SPDYE4: variants seen among roughly 807,000 people sequenced by gnomAD.
SPDYE4 encodes the protein speedy protein E4.
Under a neutral mutation model 37.5 loss-of-function variants are expected in SPDYE4, and 30 were observed. That is an observed-to-expected ratio of 0.80 (90% CI 0.60 to 1.09). The LOEUF (loss-of-function observed/expected upper bound fraction) is 1.09. Ranked by LOEUF, SPDYE4 falls within the 50% of genes least tolerant of loss-of-function variation. SPDYE4 has a pLI of 0.00. For missense variants in SPDYE4, 300 were observed against 307.9 expected (o/e 0.97, Z 0.19); for synonymous variants, 131 against 120.3 (o/e 1.09, Z -0.58).
At chr17:8,754,908 G>A (rs560205545) in intron 4 of SPDYE4, among the ~76,000 whole-genome samples, 22 of 152,328 alleles carry the variant, frequency 1.4e-4, no homozygotes, top group Non-Finnish European at 2.5e-4. Context: ...GAAGATGGTG[G>A]GCAGGTTTGG....
chr17:8,749,150 G>A (rs1037113979), downstream of SPDYE4, among the ~76,000 whole-genome samples: 1 of 151,294 alleles, frequency 6.6e-6, no homozygotes, highest in Non-Finnish European at 1.5e-5. Context: ...CTGGAGTGCA[G>A]TGGTATGATC....
At chr17:8,753,560 A>G (rs957615959) in intron 4 of SPDYE4, 71 bp from the exon 5 acceptor site, 18 of 1,570,810 alleles carry the variant, frequency 1.1e-5, no homozygotes, top group Middle Eastern at 2.2e-4. Context: ...GCAGCCTCTC[A>G]GAGAGGAGGG....
At chr17:8,756,887 CTT>C (rs894986622) in intron 2 of SPDYE4, among the ~76,000 whole-genome samples, 4 of 151,654 alleles carry the variant, frequency 2.6e-5, no homozygotes, top group African/African-American at 9.7e-5. Context: ...TTTCTTTTAT[CTT>C]TTATTTTATT....
downstream of SPDYE4, among the ~76,000 whole-genome samples, chr17:8,750,499 G>A (rs897837928): frequency 6.6e-6 from 1 of 152,262 alleles, no homozygotes; most frequent in South Asian, 2.1e-4. Context: ...TCACGAGGTC[G>A]GGAGATCAAG....
chr17:8,753,120 C>T lies in SPDYE4; in HGVS notation c.*18G>A. On this transcript the variant is annotated 3_prime_UTR_variant, in exon 6 of 7. Coordinates refer to ENST00000689094, the MANE Select transcript of SPDYE4 (RefSeq NM_001394956.1). Reference sequence around the variant, plus strand: ...TTCCCTCAGGCCGATGACCTCAGGCCTCCATGTCCCCGGAGCTCTAGGAAA... The same window carrying T: ...TTCCCTCAGGCCGATGACCTCAGGCTTCCATGTCCCCGGAGCTCTAGGAAA... 1 of 1,614,018 alleles carries T rather than the reference C, an allele frequency of 6.2e-7. No homozygotes were observed. The highest frequency in any genetic ancestry group is 8.5e-7 in the Non-Finnish European group (1 of 1,179,982).
intron 4 of SPDYE4, among the ~76,000 whole-genome samples, chr17:8,755,140 G>A (rs901100609): frequency 7.9e-5 from 12 of 152,204 alleles, no homozygotes; most frequent in Non-Finnish European, 1.6e-4. Context: ...GTTATGCGAG[G>A]ACGACCTGAA....
rs1265997187 is a variant in SPDYE4, at chr17:8,751,454, TAACA to T, written c.*824_*827del. Among the ~76,000 whole-genome samples the T allele has an allele frequency of 1.3e-5, 2 of 152,182 alleles. No homozygotes were observed. Among genetic ancestry groups the T allele is most frequent in the East Asian group, 3.8e-4 (2 of 5,196 alleles). The stretch of plus-strand genomic sequence containing the variant: ...TCACAACTGAATTCTCACAATTCAG[TAACA>T]AACAGTAAACAGAAAATAAACATTT... On this transcript the variant is annotated 3_prime_UTR_variant, in exon 7 of 7. Coordinates refer to ENST00000689094, the MANE Select transcript of SPDYE4 (RefSeq NM_001394956.1).
At position 8,758,350 on chromosome 17, in the gene SPDYE4, C is replaced by T; in HGVS notation, c.33G>A (p.Glu11=). Residue 11 remains glutamate (E), a synonymous_variant, in exon 1 of 7, where the codon GAG becomes GAA. Transcript: ENST00000689094. Reference sequence around the variant, plus strand: ...TTGTGCTAGGCTGGGGGCTCTCCTCCTCAAACGGGGGGCGCGCTTGACCAC... The same window carrying T: ...TTGTGCTAGGCTGGGGGCTCTCCTCTTCAAACGGGGGGCGCGCTTGACCAC... MASGQARPPF[E]EESPQPSTTV... The T allele has an allele frequency of 1.3e-6, 2 of 1,551,692 alleles. No homozygotes were observed. The highest frequency in any genetic ancestry group is 1.4e-5 in the African/African-American group (1 of 73,138).
chr17:8,754,392 A>G (rs925218360), intron 4 of SPDYE4, among the ~76,000 whole-genome samples: 8 of 152,264 alleles, frequency 5.3e-5, no homozygotes, highest in South Asian at 2.1e-4. Context: ...TGGGTGACAT[A>G]GCAAAACGTC....
Position 8,758,479 on chromosome 17 carries a change from T to G in SPDYE4, c.-97A>C. The G allele has an allele frequency of 8.5e-7, 1 of 1,176,580 alleles. No individual in the cohort carries two copies. The highest frequency in any genetic ancestry group is 1.2e-6 in the Non-Finnish European group (1 of 811,566). 72.9% of individuals were successfully genotyped at this position (1,176,580 alleles called of 1,614,324 possible). Reference sequence around the variant, plus strand: ...TCCGTTAGGACCCAGAAGAGTGCGTTTCTCTTCTAGAGGCTCGGGAGAAGT... The same window carrying G: ...TCCGTTAGGACCCAGAAGAGTGCGTGTCTCTTCTAGAGGCTCGGGAGAAGT... On this transcript the variant is annotated 5_prime_UTR_variant, in exon 1 of 7. Transcript: ENST00000689094.
At chr17:8,758,129 A>G in intron 1 of SPDYE4, 145 bp downstream of exon 1, 1 of 676,800 alleles carries the variant, frequency 1.5e-6, no homozygotes, top group South Asian at 2.0e-5. Flanking sequence ...CATTCCCTGC[A>G]CCCTCCTTCC....
intron 5 of SPDYE4, 44 bp downstream of exon 5, chr17:8,753,277 C>A: frequency 7.2e-7 from 1 of 1,387,746 alleles, no homozygotes; most frequent in South Asian, 1.2e-5. Flanking sequence ...CTCCAGTCCA[C>A]CCCATCCCTC....
In SPDYE4 at chr17:8,755,725, G is replaced by T. The variant is rs543317761; in HGVS notation, c.400-120C>A. ...TGTCTATCACAGAAGGAACCTCAGT[G>T]TTGGGTGACTATGCTCATTGGGGGC... On this transcript the variant is annotated intron_variant, in intron 3 of 6. Coordinates refer to ENST00000689094, the MANE Select transcript of SPDYE4 (RefSeq NM_001394956.1). The T allele has an allele frequency of 2.6e-4, 333 of 1,273,278 alleles. 1 individual carries two copies. The South Asian group carries it at 4.0e-3, about 15-fold the overall frequency. 78.9% of individuals were successfully genotyped at this position (1,273,278 alleles called of 1,614,324 possible). A position where few individuals can be genotyped will look rare whatever the true frequency, so the allele number is the denominator to read the frequency against.
chr17:8,753,185 C>T lies in SPDYE4; in HGVS notation c.667G>A (p.Asp223Asn). The T allele has an allele frequency of 1.9e-6, 3 of 1,614,046 alleles. No individual in the cohort carries two copies. Among genetic ancestry groups the T allele is most frequent in the Non-Finnish European group, 2.5e-6 (3 of 1,180,024 alleles). Reference sequence around the variant, plus strand: ...CGGGCCCACACCCAGTGCTCTGGGTCATAAGCCTGGATCTGGAAAAACACA... The same window carrying T: ...CGGGCCCACACCCAGTGCTCTGGGTTATAAGCCTGGATCTGGAAAAACACA... Reference protein sequence around the residue: ...PEEMEEIQAYDPEHWVWARDR... With the variant: ...PEEMEEIQAYNPEHWVWARDR... The change falls in exon 6 of 7, where the codon GAC becomes AAC. Residue 223 changes from aspartate (D) to asparagine (N), a missense_variant. Coordinates refer to ENST00000689094, the MANE Select transcript of SPDYE4 (RefSeq NM_001394956.1).
chr17:8,747,561 G>A (rs184101577), downstream of SPDYE4, among the ~76,000 whole-genome samples: 518 of 152,262 alleles, frequency 3.4e-3, 3 homozygotes, highest in African/African-American at 0.012. Flanking sequence ...ATTTAAATGG[G>A]AAATTAAATG....
chr17:8,755,320 G>C, intron 4 of SPDYE4, 200 bp downstream of exon 4: 1 of 672,830 alleles, frequency 1.5e-6, no homozygotes, highest in Non-Finnish European at 2.3e-6. Context: ...CCTTTTGTTT[G>C]ATTCTACTAT....
Position 8,753,154 on chromosome 17 carries a change from C to A in SPDYE4, c.698G>T (p.Arg233Leu), listed in dbSNP as rs1555523903. 1.2e-6 allele frequency: 2 copies of A among 1,613,970 alleles called. No individual in the cohort carries two copies. The highest frequency in any genetic ancestry group is 3.3e-5 in the Admixed American group (2 of 60,010). The part of the protein sequence containing the change: ...DPEHWVWARD[R>L]TLIS Reference sequence around the variant, plus strand: ...CCCGGAGCTCTAGGAAATGAGGGTGCGATCTCGGGCCCACACCCAGTGCTC... The same window carrying A: ...CCCGGAGCTCTAGGAAATGAGGGTGAGATCTCGGGCCCACACCCAGTGCTC... Residue 233 changes from arginine to leucine, a missense_variant, in exon 6 of 7, where the codon CGC becomes CTC. Transcript: ENST00000689094.
chr17:8,755,304 A>G (rs936148437), intron 4 of SPDYE4: 1 of 585,350 alleles, frequency 1.7e-6, no homozygotes, highest in African/African-American at 1.9e-5. Context: ...GGACGGGTTT[A>G]TGTTTCCTTT....
Position 8,753,190 on chromosome 17 carries a change from G to A in SPDYE4, c.662C>T (p.Ala221Val). The change falls in exon 6 of 7, where the codon GCT becomes GTT. Residue 221 changes from alanine (A) to valine (V), a missense_variant. Physicochemically the swap from Ala to Val is moderately conservative, Grantham distance 64. Transcript: ENST00000689094. Reference protein sequence around the residue: ...VSPEEMEEIQAYDPEHWVWAR... With the variant: ...VSPEEMEEIQVYDPEHWVWAR... ...CCACACCCAGTGCTCTGGGTCATAA[G>A]CCTGGATCTGGAAAAACACACACCA... 6.2e-7 allele frequency: 1 copy of A among 1,614,064 alleles called. No homozygotes were observed.
Sources: allele counts gnomAD v4.1 joint callset (sites outside exome capture counted in the v4.1 genomes callset), GRCh38; gene constraint gnomAD v4.1.1; transcripts MANE v1.5; gene names NCBI Gene and HGNC (gene_info 2026-07-23, HGNC 2026-07-21).